Variants in DOCK4 observed in about 807,000 individuals in gnomAD.
The protein encoded by DOCK4 is dedicator of cytokinesis 4, also known as dedicator of cytokinesis protein 4.
DOCK4 carries 97 observed loss-of-function variants against 268.1 expected under a neutral mutation model. That is an observed-to-expected ratio of 0.36 (90% CI 0.31 to 0.43). The LOEUF is 0.43. DOCK4 is among the 20% of genes least tolerant of loss of function. DOCK4 has a pLI of 1.00. For synonymous variants in DOCK4, 954 were observed against 887.2 expected, an observed-to-expected ratio of 1.08 and a Z score of -1.34; for missense variants, 2,145 against 2,455.7, an observed-to-expected ratio of 0.87 and a Z score of 2.67.
intron 40 of DOCK4, among the ~76,000 whole-genome samples, chr7:111,759,430 TC>T (rs1457260060): frequency 4.6e-5 from 7 of 152,224 alleles, no homozygotes; most frequent in African/African-American, 1.7e-4. Flanking sequence ...TACCTCCTTC[TC>T]TTCTTATTTA....
chr7:111,974,742 A>C (rs1798037916), intron 8 of DOCK4, among the ~76,000 whole-genome samples: 1 of 151,708 alleles, frequency 6.6e-6, no homozygotes, highest in Non-Finnish European at 1.5e-5. Context: ...GAACACAAAC[A>C]CAACATTTTG....
At position 111,728,461 on chromosome 7, in the gene DOCK4, A is replaced by G. The variant is rs1794812143; in HGVS notation, c.5741T>C (p.Val1914Ala). 5.0e-6 allele frequency: 8 copies of G among 1,609,840 alleles called. 1 individual carries two copies. In the East Asian group the frequency reaches 8.9e-5, roughly 18 times the overall value. The change falls in exon 53 of 53, where the codon GTC becomes GCC. Residue 1914 changes from valine to alanine, a missense_variant. This residue lies in a region of DOCK4 where 547 missense variants were observed against 469.0 expected (regional missense o/e 1.17). Coordinates refer to ENST00000428084, the MANE Select transcript of DOCK4 (RefSeq NM_001363540.2). ...KESKTPPPYS[V>A]YERTLRRPVP... ...GGGGCGCCGCAGAGTCCGCTCGTAG[A>G]CGCTGTACGGGGGCGGAGTCTTGCT...
intron 1 of DOCK4, among the ~76,000 whole-genome samples, chr7:112,108,818 C>A (rs939245647): frequency 8.5e-5 from 13 of 152,180 alleles, no homozygotes; most frequent in Non-Finnish European, 1.8e-4. Context: ...AGAAACCTTG[C>A]AAATGGACAC....
chr7:111,855,738 T>C (rs1291259466), intron 23 of DOCK4, among the ~76,000 whole-genome samples: 1 of 152,210 alleles, frequency 6.6e-6, no homozygotes, highest in African/African-American at 2.4e-5. Context: ...TGCTGTACTT[T>C]ATCATATTAT....
At chr7:111,800,616 G>A (rs78941981) in intron 30 of DOCK4, among the ~76,000 whole-genome samples, 2,416 of 152,192 alleles carry the variant, frequency 0.016, 61 homozygotes, top group African/African-American at 0.054. Flanking sequence ...CCCCACTAAT[G>A]GTGGTAATCT....
intron 34 of DOCK4, 94 bp from the exon 35 acceptor site, chr7:111,783,018 G>GAAAAAAAAAAAAAA: frequency 1.8e-5 from 9 of 512,482 alleles, no homozygotes; most frequent in South Asian, 1.0e-4. Context: ...AAGAAAGAAA[G>GAAAAAAAAAAAAAA]AAAAAAAAAA....
intron 17 of DOCK4, 72 bp from the exon 18 acceptor site, chr7:111,872,636 T>A: frequency 7.6e-7 from 1 of 1,310,374 alleles, no homozygotes; most frequent in Non-Finnish European, 1.0e-6. Context: ...GTTCTGCTAG[T>A]AAAAGTAAAA....
intron 1 of DOCK4, among the ~76,000 whole-genome samples, chr7:112,143,965 T>A (rs573707046): frequency 2.6e-5 from 4 of 152,320 alleles, no homozygotes; most frequent in African/African-American, 9.6e-5. Context: ...ATTATGTCAA[T>A]CCATCAACAA....
At chr7:112,183,002 G>A (rs1331681406) in intron 1 of DOCK4, among the ~76,000 whole-genome samples, 2 of 152,168 alleles carry the variant, frequency 1.3e-5, no homozygotes, top group Admixed American at 6.5e-5. Context: ...GACACAAACA[G>A]CATCACTGTA....
At chr7:112,009,673 G>C (rs1273929236) in intron 1 of DOCK4, among the ~76,000 whole-genome samples, 1 of 151,984 alleles carries the variant, frequency 6.6e-6, no homozygotes, top group Non-Finnish European at 1.5e-5. Context: ...TATCCATTAA[G>C]GTTTATCAAC....
chr7:111,970,385 G>C (rs1356278134), intron 8 of DOCK4, among the ~76,000 whole-genome samples: 1 of 152,024 alleles, frequency 6.6e-6, no homozygotes, highest in African/African-American at 2.4e-5. Context: ...GATATTAGTA[G>C]TATCCACTGT....
intron 8 of DOCK4, among the ~76,000 whole-genome samples, chr7:111,958,207 T>C (rs1049198837): frequency 1.3e-5 from 2 of 152,286 alleles, no homozygotes; most frequent in Admixed American, 6.5e-5. Flanking sequence ...CCCAACCCTG[T>C]GTCAGGCGCA....
rs967501636 is a variant in DOCK4 at position 111,903,802 on chromosome 7, T to C, written c.1193-2001A>G. Among the ~76,000 whole-genome samples the C allele has an allele frequency of 4.6e-5, 7 of 152,322 alleles. No individual in the cohort carries two copies. In the East Asian group the frequency reaches 9.6e-4, roughly 21 times the overall value. ...AAAAAAAACAACACTCAAATCAAGA[T>C]ACTTTAGAGCAAAATATATTGGCTA... On this transcript the variant is annotated intron_variant, in intron 13 of 52. Coordinates refer to ENST00000428084, the MANE Select transcript of DOCK4 (RefSeq NM_001363540.2).
intron 1 of DOCK4, among the ~76,000 whole-genome samples, chr7:112,184,714 T>A (rs1819346922): frequency 6.6e-6 from 1 of 152,032 alleles, no homozygotes; most frequent in African/African-American, 2.4e-5. Context: ...GTGAGCTAAG[T>A]CCTTCTCAGT....
At chr7:112,009,388 C>A (rs1449424967) in intron 1 of DOCK4, among the ~76,000 whole-genome samples, 1 of 152,136 alleles carries the variant, frequency 6.6e-6, no homozygotes, top group Non-Finnish European at 1.5e-5. Flanking sequence ...CTGAGGCTAG[C>A]CCACAGAATC....
At chr7:111,935,273 A>C in intron 12 of DOCK4, 1 of 450,712 alleles carries the variant, frequency 2.2e-6, no homozygotes, top group Admixed American at 3.2e-5. Flanking sequence ...ATAACAACTT[A>C]GGAGTATGAA....
chr7:111,929,253 G>A (rs188809191), intron 12 of DOCK4, among the ~76,000 whole-genome samples: 146 of 151,988 alleles, frequency 9.6e-4, no homozygotes, highest in African/African-American at 3.2e-3. Context: ...TTAATGTTGC[G>A]TTATATGACT....
At chr7:112,033,302 A>T (rs897668894) in intron 1 of DOCK4, among the ~76,000 whole-genome samples, 3 of 152,134 alleles carry the variant, frequency 2.0e-5, no homozygotes, top group African/African-American at 7.2e-5. Flanking sequence ...AGGCTTAAAG[A>T]AGAGAAAGGT....
chr7:111,862,517 G>A (rs1805626726), intron 23 of DOCK4, among the ~76,000 whole-genome samples: 1 of 105,658 alleles, frequency 9.5e-6, no homozygotes, highest in African/African-American at 3.8e-5. Context: ...TTGAGACAGA[G>A]TCTTGCTCTG....
Sources: allele counts gnomAD v4.1 joint callset (sites outside exome capture counted in the v4.1 genomes callset), GRCh38; gene constraint gnomAD v4.1.1; regional missense constraint gnomAD v4.1.1; transcripts MANE v1.5; gene names NCBI Gene and HGNC (gene_info 2026-07-23, HGNC 2026-07-21).